RABGAP1L: variants seen among roughly 807,000 people sequenced by gnomAD.
RABGAP1L encodes rab GTPase-activating protein 1-like.
A neutral mutation model predicts 137.7 loss-of-function variants in RABGAP1L; 63 were observed. The ratio of observed to expected loss-of-function variants is 0.46; its 90% CI spans 0.37 to 0.56. RABGAP1L has a LOEUF of 0.56. RABGAP1L is among the 20% of genes least tolerant of loss of function. RABGAP1L has a pLI of 0.00. For synonymous variants in RABGAP1L, 431 were observed against 433.7 expected (o/e 0.99, Z 0.08); for missense variants, 1,095 against 1,244.0 (o/e 0.88, Z 1.80).
intron 13 of RABGAP1L, among the ~76,000 whole-genome samples, chr1:174,456,708 C>T: frequency 6.6e-6 from 1 of 151,974 alleles, no homozygotes; most frequent in East Asian, 1.9e-4. Context: ...ACAAAATTGC[C>T]TTGTAAGTGT....
At chr1:174,818,267 A>G (rs867681219) in intron 19 of RABGAP1L, among the ~76,000 whole-genome samples, 67 of 152,372 alleles carry the variant, frequency 4.4e-4, no homozygotes, top group African/African-American at 1.6e-3. Context: ...ACTAGAAGGC[A>G]GGAAGAAACC....
intron 18 of RABGAP1L, among the ~76,000 whole-genome samples, chr1:174,756,518 G>A (rs936617470): frequency 6.6e-6 from 1 of 151,908 alleles, no homozygotes; most frequent in Non-Finnish European, 1.5e-5. Context: ...ACTTTACAAG[G>A]ACAGTGACTT....
intron 19 of RABGAP1L, among the ~76,000 whole-genome samples, chr1:174,824,072 C>T (rs1003992676): frequency 6.6e-6 from 1 of 152,036 alleles, no homozygotes; most frequent in Non-Finnish European, 1.5e-5. Flanking sequence ...GGTGGATCAC[C>T]TAAGGTCAGG....
chr1:174,817,460 AT>A (rs1690558777), intron 19 of RABGAP1L, among the ~76,000 whole-genome samples: 1 of 152,178 alleles, frequency 6.6e-6, no homozygotes, highest in African/African-American at 2.4e-5. Flanking sequence ...GGTAAAAAAA[AT>A]ATGGAGTTGC....
intron 13 of RABGAP1L, among the ~76,000 whole-genome samples, chr1:174,613,585 G>T (rs1242100278): frequency 6.6e-6 from 1 of 152,158 alleles, no homozygotes; most frequent in Non-Finnish European, 1.5e-5. Context: ...GCTTGGTGCA[G>T]AGCTGAGTTC....
Position 174,361,105 on chromosome 1 carries a change from C to T in RABGAP1L, c.1466-9874C>T, listed in dbSNP as rs537795522. On this transcript the variant is annotated intron_variant, in intron 11 of 25. Transcript: ENST00000681986. ...CCGGGAGGCAGAGCTTGCAGTGAGCCGAGATGGCACCATTGCACACATTGG... is the reference window on the plus strand; with the variant it reads ...CCGGGAGGCAGAGCTTGCAGTGAGCTGAGATGGCACCATTGCACACATTGG... 4.7e-4 allele frequency among the ~76,000 whole-genome samples: 72 copies of T among 152,136 alleles called. 1 individual carries two copies. The highest frequency in any genetic ancestry group is 1.7e-3 in the African/African-American group (71 of 41,504).
At chr1:174,347,190 A>T (rs1437133017) in intron 11 of RABGAP1L, among the ~76,000 whole-genome samples, 4 of 152,176 alleles carry the variant, frequency 2.6e-5, no homozygotes, top group African/African-American at 9.7e-5. Flanking sequence ...TATATTCTGT[A>T]GCCACTGGAT....
intron 17 of RABGAP1L, among the ~76,000 whole-genome samples, chr1:174,733,018 G>GT (rs1338100462): frequency 6.6e-6 from 1 of 151,750 alleles, no homozygotes; most frequent in Non-Finnish European, 1.5e-5. Context: ...ACCCTCTGAG[G>GT]TATCTATAAG....
At chr1:174,724,631 T>C (rs1681839333) in intron 17 of RABGAP1L, among the ~76,000 whole-genome samples, 1 of 152,216 alleles carries the variant, frequency 6.6e-6, no homozygotes, top group Non-Finnish European at 1.5e-5. Flanking sequence ...ATTGAACACT[T>C]TAATGTGCTG....
chr1:174,540,027 A>G (rs1469770541), intron 13 of RABGAP1L, among the ~76,000 whole-genome samples: 2 of 152,146 alleles, frequency 1.3e-5, no homozygotes, highest in South Asian at 2.1e-4. Context: ...TTTGATTTGC[A>G]TTTCTCTGAT....
intron 17 of RABGAP1L, among the ~76,000 whole-genome samples, chr1:174,749,862 G>A (rs1684201845): frequency 1.3e-5 from 2 of 151,958 alleles, no homozygotes; most frequent in Admixed American, 6.6e-5. Context: ...TTCAAAATAT[G>A]TTCAAGGAAT....
intron 18 of RABGAP1L, chr1:174,757,098 G>C: frequency 4.1e-6 from 2 of 493,266 alleles, no homozygotes; most frequent in Non-Finnish European, 8.3e-6. Context: ...ACAAAGTCTC[G>C]GTGCTTTTGG....
intron 1 of RABGAP1L, among the ~76,000 whole-genome samples, chr1:174,181,698 G>A (rs1333094074): frequency 6.6e-6 from 1 of 152,164 alleles, no homozygotes; most frequent in Non-Finnish European, 1.5e-5. Context: ...CTGGAATCAA[G>A]CCCCCACAGA....
chr1:174,946,013 GCTAT>G (rs1315787513), intron 19 of RABGAP1L: 4 of 150,798 alleles, frequency 2.7e-5, no homozygotes, highest in African/African-American at 7.3e-5. Flanking sequence ...AGTCTATTTG[GCTAT>G]CTGTCTCTCT....
In RABGAP1L at chr1:174,678,818, G is replaced by A. The variant is rs60970042; in HGVS notation, c.1825-4704G>A. 1.3e-3 allele frequency among the ~76,000 whole-genome samples: 194 copies of A among 152,310 alleles called. 1 individual carries two copies. Among genetic ancestry groups the A allele is most frequent in the African/African-American group, 4.4e-3 (182 of 41,572 alleles). ...GCACTTAGCCTGCACAGGAACAATG[G>A]CGAGCCTCTAGCCCAATTGGGAGCG... On this transcript the variant is annotated intron_variant, in intron 14 of 25. Coordinates refer to ENST00000681986, the MANE Select transcript of RABGAP1L (RefSeq NM_001366446.1).
intron 13 of RABGAP1L, among the ~76,000 whole-genome samples, chr1:174,620,017 C>T (rs1426991673): frequency 1.3e-5 from 2 of 152,024 alleles, no homozygotes; most frequent in African/African-American, 4.8e-5. Context: ...GACTTTACAC[C>T]AACAAAGATC....
rs144331730 is a variant in RABGAP1L at position 174,313,262 on chromosome 1, G to A, written c.1465+8135G>A. Among the ~76,000 whole-genome samples, 590 of 152,186 alleles carry A rather than the reference G, an allele frequency of 3.9e-3. 14 individuals carry two copies. Among genetic ancestry groups the A allele is most frequent in the Admixed American group, 0.032 (489 of 15,246 alleles). The stretch of plus-strand genomic sequence containing the variant: ...TTATTTTTTAAAAATTCTTTTCCAC[G>A]TTGTTGACAATTGGCATATGTAAAT... On this transcript the variant is annotated intron_variant, in intron 11 of 25. Transcript: ENST00000681986.
Position 174,874,461 on chromosome 1 carries a change from G to A in RABGAP1L, c.2340+62501G>A, listed in dbSNP as rs764557207. The A allele has an allele frequency of 1.0e-5, 10 of 985,112 alleles. No individual in the cohort carries two copies. The East Asian group carries it at 5.7e-4, about 56-fold the overall frequency. 61.0% of individuals were successfully genotyped at this position (985,112 alleles called of 1,614,324 possible). ...ACTGAGGACCATCTATTTGGTTACC[G>A]GGAGTGTGGCTGGTTTCTGTTGCCT... On this transcript the variant is annotated intron_variant, in intron 19 of 25. Coordinates refer to ENST00000681986, the MANE Select transcript of RABGAP1L (RefSeq NM_001366446.1).
intron 14 of RABGAP1L, among the ~76,000 whole-genome samples, chr1:174,650,248 C>G (rs893093399): frequency 2.6e-4 from 39 of 152,064 alleles, no homozygotes; most frequent in Admixed American, 2.4e-3. Flanking sequence ...GTATTTTATT[C>G]AGGATTTTTG....
Sources: gnomAD v4.1 joint callset for allele counts (sites outside exome capture counted in the v4.1 genomes callset) on GRCh38, gnomAD v4.1.1 for gene constraint, MANE v1.5 for transcripts, NCBI Gene and HGNC (gene_info 2026-07-23, HGNC 2026-07-21) for gene names.